The following NHS variants were observed in gnomAD, a reference collection of about 807,000 sequenced individuals.
NHS encodes the protein actin remodeling regulator NHS.
In NHS, 5 loss-of-function variants were observed where a neutral mutation model predicts 72.5. That is an observed-to-expected ratio of 0.07 (90% confidence interval 0.04 to 0.14). The LOEUF is 0.14. NHS is among the 10% of genes least tolerant of loss of function. NHS has a pLI of 1.00. For missense variants in NHS, 1,072 were observed against 1,355.7 expected (o/e 0.79, Z 3.29); for synonymous variants, 464 against 547.7 (o/e 0.85, Z 2.13).
intron 1 of NHS, among the ~76,000 whole-genome samples, chrX:17,465,079 A>G (rs1003220521): frequency 1.8e-5 from 2 of 112,046 alleles, no homozygotes; most frequent in African/African-American, 6.5e-5. Context: ...AGCCATTACC[A>G]TGGCCAGCAA....
intron 1 of NHS, among the ~76,000 whole-genome samples, chrX:17,570,013 G>T (rs1601777473): frequency 9.0e-6 from 1 of 111,656 alleles, no homozygotes; most frequent in Non-Finnish European, 1.9e-5. Flanking sequence ...CCTCTGTTCT[G>T]TTCCATTGGT....
At chrX:17,474,495 C>T (rs2064905818) in intron 1 of NHS, among the ~76,000 whole-genome samples, 1 of 111,385 alleles carries the variant, frequency 9.0e-6, no homozygotes, top group African/African-American at 3.3e-5. Context: ...CTGGGGAGTG[C>T]CAGTGGAATC....
chrX:17,408,064 C>G (rs959371370), intron 1 of NHS, among the ~76,000 whole-genome samples: 3 of 111,193 alleles, frequency 2.7e-5, no homozygotes, highest in African/African-American at 9.8e-5. Flanking sequence ...GGCTGGAGTA[C>G]AGTGATGTGA....
intron 1 of NHS, among the ~76,000 whole-genome samples, chrX:17,394,207 G>A (rs915847641): frequency 8.9e-6 from 1 of 111,753 alleles, no homozygotes; most frequent in African/African-American, 3.3e-5. Context: ...TGGGCTTGAG[G>A]TGTGTGATGC....
intron 1 of NHS, chrX:17,425,980 C>A (rs1321241258): frequency 8.9e-6 from 1 of 112,158 alleles, no homozygotes; most frequent in Non-Finnish European, 1.9e-5. Flanking sequence ...AGAGTGTGTG[C>A]TGCTAGGATT....
At chrX:17,691,503 A>G (rs1396653277) in intron 2 of NHS, among the ~76,000 whole-genome samples, 1 of 111,895 alleles carries the variant, frequency 8.9e-6, no homozygotes, top group Non-Finnish European at 1.9e-5. Context: ...GGGGAATACT[A>G]TCACATCTTC....
chrX:17,540,272 A>G (rs945037727), intron 1 of NHS, among the ~76,000 whole-genome samples: 1 of 111,678 alleles, frequency 9.0e-6, no homozygotes, highest in Non-Finnish European at 1.9e-5. Flanking sequence ...TACAGATGCA[A>G]TATCTCAGCC....
intron 1 of NHS, among the ~76,000 whole-genome samples, chrX:17,544,944 G>A (rs1447350207): frequency 2.7e-5 from 3 of 112,854 alleles, no homozygotes; most frequent in Middle Eastern, 4.6e-3. Context: ...AACTCTGCAG[G>A]AGCTAGTCAG....
intron 3 of NHS, among the ~76,000 whole-genome samples, chrX:17,718,726 G>T (rs1380130317): frequency 9.7e-5 from 9 of 92,665 alleles, no homozygotes; most frequent in Admixed American, 4.8e-4. Flanking sequence ...GGGAGAGAGG[G>T]AAGGAAGAAG....
intron 1 of NHS, among the ~76,000 whole-genome samples, chrX:17,660,011 A>G (rs2065975224): frequency 8.9e-6 from 1 of 111,865 alleles, no homozygotes; most frequent in African/African-American, 3.3e-5. Flanking sequence ...GAGATGTCCA[A>G]TTGGGACATT....
In NHS at chrX:17,732,072, C is replaced by A; in HGVS notation, c.4564C>A (p.Leu1522Ile). 1 of 1,211,609 alleles carries A rather than the reference C, an allele frequency of 8.3e-7. No homozygotes were observed. The highest frequency in any genetic ancestry group is 1.1e-6 in the Non-Finnish European group (1 of 895,511). The change falls in exon 9 of 9, where the codon CTC becomes ATC. Residue 1522 changes from leucine to isoleucine, a missense_variant. By Grantham distance (5) the Leu-to-Ile change is conservative. Transcript: ENST00000676302. Reference protein sequence around the residue: ...TSNEEFKLLLLKKGSRSDSSY... With the variant: ...TSNEEFKLLLIKKGSRSDSSY... ...CAATGAAGAGTTTAAGCTGTTACTG[C>A]TCAAGAAAGGCAGTCGCTCAGATTC...
chrX:17,548,068 G>A (rs2065303002), intron 1 of NHS, among the ~76,000 whole-genome samples: 1 of 111,890 alleles, frequency 8.9e-6, no homozygotes, highest in East Asian at 2.8e-4. Context: ...AAAGCAAGTT[G>A]CAAGACCAAG....
At chrX:17,697,383 C>A (rs1331530946) in intron 3 of NHS, among the ~76,000 whole-genome samples, 1 of 111,816 alleles carries the variant, frequency 8.9e-6, no homozygotes, top group Non-Finnish European at 1.9e-5. Context: ...GTGAAACACA[C>A]CAAAGCCACA....
At chrX:17,573,383 A>G (rs746562411) in intron 1 of NHS, among the ~76,000 whole-genome samples, 1 of 106,238 alleles carries the variant, frequency 9.4e-6, no homozygotes, top group African/African-American at 3.4e-5. Context: ...ATTTCTTTTC[A>G]CTCTTTTTTC....
At chrX:17,731,622 C>T (rs192400471) in intron 8 of NHS, among the ~76,000 whole-genome samples, 1 of 111,148 alleles carries the variant, frequency 9.0e-6, no homozygotes, top group Non-Finnish European at 1.9e-5. Flanking sequence ...AAATGATCAT[C>T]TCTAGAACCT....
intron 1 of NHS, among the ~76,000 whole-genome samples, chrX:17,581,709 A>G (rs768192735): frequency 9.0e-6 from 1 of 111,105 alleles, no homozygotes; most frequent in Non-Finnish European, 1.9e-5. Flanking sequence ...GTTAATTAGG[A>G]AATTGGGATT....
At chrX:17,625,648 ATG>A (rs1405283676) in intron 1 of NHS, among the ~76,000 whole-genome samples, 1 of 112,431 alleles carries the variant, frequency 8.9e-6, no homozygotes, top group Non-Finnish European at 1.9e-5. Flanking sequence ...TAGAAATATG[ATG>A]TGAGTCATTT....
intron 1 of NHS, among the ~76,000 whole-genome samples, chrX:17,429,529 G>A (rs373729181): frequency 8.9e-4 from 99 of 110,966 alleles, no homozygotes; most frequent in African/African-American, 2.3e-3. Context: ...ATCTTTTATC[G>A]TCTGTTAGGC....
At chrX:17,462,829 A>G (rs746636716) in intron 1 of NHS, among the ~76,000 whole-genome samples, 93 of 112,077 alleles carry the variant, frequency 8.3e-4, no homozygotes, top group Admixed American at 1.4e-3. Flanking sequence ...ATTTACAGAC[A>G]TGGGGGAGGG....
Sources: allele counts gnomAD v4.1 joint callset (sites outside exome capture counted in the v4.1 genomes callset), GRCh38; gene constraint gnomAD v4.1.1; transcripts MANE v1.5; gene names NCBI Gene and HGNC (gene_info 2026-07-23, HGNC 2026-07-21).